CNTNAP2: variants seen among roughly 807,000 people sequenced by gnomAD.
CNTNAP2 encodes the protein contactin associated protein 2, also known as contactin-associated protein-like 2.
In CNTNAP2, 98 loss-of-function variants were observed where a neutral mutation model predicts 155.2. That is an observed-to-expected ratio of 0.63 (90% CI 0.54 to 0.75). The LOEUF (loss-of-function observed/expected upper bound fraction) is 0.75, where lower values mean the gene tolerates loss of function less well. CNTNAP2 is among the 30% of genes least tolerant of loss of function. CNTNAP2 has a pLI of 0.00. For missense variants in CNTNAP2, 1,727 were observed against 1,688.1 expected (o/e 1.02, Z -0.40); for synonymous variants, 651 against 631.2 (o/e 1.03, Z -0.47).
intron 13 of CNTNAP2, among the ~76,000 whole-genome samples, chr7:147,884,947 A>G (rs1427087580): frequency 6.6e-6 from 1 of 152,214 alleles, no homozygotes; most frequent in East Asian, 1.9e-4. Flanking sequence ...AGCAGGCTTG[A>G]TATGAGACCT....
At chr7:146,398,183 A>AATTTTTTTTTT in intron 1 of CNTNAP2, among the ~76,000 whole-genome samples, 1 of 83,688 alleles carries the variant, frequency 1.2e-5, no homozygotes, top group African/African-American at 7.2e-5. Flanking sequence ...CCGGCCCCAA[A>AATTTTTTTTTT]CTTTTTTTTT....
intron 3 of CNTNAP2, among the ~76,000 whole-genome samples, chr7:146,858,066 T>C (rs1360534108): frequency 6.6e-6 from 1 of 152,134 alleles, no homozygotes; most frequent in Non-Finnish European, 1.5e-5. Flanking sequence ...TCAAAACATA[T>C]GTAGGAAAAG....
intron 1 of CNTNAP2, among the ~76,000 whole-genome samples, chr7:146,545,519 G>C (rs1447516957): frequency 6.6e-6 from 1 of 151,508 alleles, no homozygotes; most frequent in Non-Finnish European, 1.5e-5. Flanking sequence ...ATGCCCTACT[G>C]TGTGATGTTC....
chr7:147,427,124 G>T (rs1159062338), intron 10 of CNTNAP2, among the ~76,000 whole-genome samples: 1 of 152,124 alleles, frequency 6.6e-6, no homozygotes, highest in East Asian at 1.9e-4. Context: ...CAGAGGAGAA[G>T]AATGCAGTCT....
intron 12 of CNTNAP2, among the ~76,000 whole-genome samples, chr7:147,594,402 A>G (rs1311573919): frequency 6.6e-6 from 1 of 152,084 alleles, no homozygotes; most frequent in Non-Finnish European, 1.5e-5. Context: ...CTGTCATAAC[A>G]TGCATTTCAT....
intron 1 of CNTNAP2, among the ~76,000 whole-genome samples, chr7:146,734,854 C>CT (rs1235218480): frequency 6.6e-6 from 1 of 152,104 alleles, no homozygotes; most frequent in African/African-American, 2.4e-5. Flanking sequence ...TGTGTCCAAA[C>CT]TGAGTTTTCC....
intron 13 of CNTNAP2, among the ~76,000 whole-genome samples, chr7:147,756,601 C>G (rs973724860): frequency 6.6e-6 from 1 of 152,016 alleles, no homozygotes. Flanking sequence ...TCATTAAAAA[C>G]AGATTTAAAA....
At chr7:147,363,405 C>T (rs985029722) in intron 9 of CNTNAP2, among the ~76,000 whole-genome samples, 1 of 152,148 alleles carries the variant, frequency 6.6e-6, no homozygotes, top group African/African-American at 2.4e-5. Context: ...AACTAAGACA[C>T]CTATTTGTAA....
rs960213187 is a variant in CNTNAP2, at chr7:146,956,168, T to C, written c.403-87739T>C. 2.6e-5 allele frequency among the ~76,000 whole-genome samples: 4 copies of C among 152,248 alleles called. No individual in the cohort carries two copies. In the South Asian group the frequency reaches 8.3e-4, roughly 32 times the overall value. ...TTCTAACTTTCCCATTTGTTTGTTT[T>C]TTGTTTTATGTTTAGACTTGGTATT... On this transcript the variant is annotated intron_variant, in intron 3 of 23. Transcript: ENST00000361727.
At chr7:146,957,120 A>G (rs1797452802) in intron 3 of CNTNAP2, among the ~76,000 whole-genome samples, 1 of 152,138 alleles carries the variant, frequency 6.6e-6, no homozygotes, top group South Asian at 2.1e-4. Context: ...AAACAGACCT[A>G]GATGGTATAG....
chr7:147,933,307 A>G (rs1291275455), intron 14 of CNTNAP2, among the ~76,000 whole-genome samples: 1 of 152,168 alleles, frequency 6.6e-6, no homozygotes, highest in East Asian at 1.9e-4. Flanking sequence ...TGATTTAATA[A>G]GTCCACTTCT....
chr7:146,198,784 T>G (rs1005975944), intron 1 of CNTNAP2, among the ~76,000 whole-genome samples: 2 of 152,148 alleles, frequency 1.3e-5, no homozygotes, highest in African/African-American at 4.8e-5. Context: ...ACTTTTTTTT[T>G]TTGTTTTATC....
chr7:147,073,365 C>A (rs1799935544), intron 4 of CNTNAP2, among the ~76,000 whole-genome samples: 1 of 150,092 alleles, frequency 6.7e-6, no homozygotes, highest in African/African-American at 2.4e-5. Context: ...TAAGTGGCAG[C>A]TAAATAATGA....
intron 1 of CNTNAP2, among the ~76,000 whole-genome samples, chr7:146,261,079 C>T (rs1026719913): frequency 6.6e-6 from 1 of 152,114 alleles, no homozygotes; most frequent in African/African-American, 2.4e-5. Flanking sequence ...GTTTCCTCTG[C>T]ACACTCTTTC....
intron 8 of CNTNAP2, among the ~76,000 whole-genome samples, chr7:147,182,996 A>G (rs1490300218): frequency 1.3e-5 from 2 of 152,198 alleles, no homozygotes; most frequent in East Asian, 1.9e-4. Flanking sequence ...AAAGTCATCA[A>G]TGATTCATTT....
intron 1 of CNTNAP2, among the ~76,000 whole-genome samples, chr7:146,622,948 C>T (rs1244027314): frequency 1.4e-5 from 2 of 145,760 alleles, no homozygotes; most frequent in Admixed American, 6.9e-5. Context: ...CAGAGCGAGA[C>T]TCCATCTCAA....
chr7:146,670,982 A>G (rs936907864), intron 1 of CNTNAP2, among the ~76,000 whole-genome samples: 1 of 152,264 alleles, frequency 6.6e-6, no homozygotes, highest in Admixed American at 6.5e-5. Flanking sequence ...CAATAGTGGT[A>G]ATTCTTAGGA....
At chr7:147,670,808 T>TA (rs1174714417) in intron 13 of CNTNAP2, among the ~76,000 whole-genome samples, 3 of 152,134 alleles carry the variant, frequency 2.0e-5, no homozygotes, top group African/African-American at 4.8e-5. Context: ...TGGATACCAC[T>TA]AGTGTGGATA....
chr7:148,365,354 C>A (rs1798717251), intron 21 of CNTNAP2, among the ~76,000 whole-genome samples: 1 of 152,108 alleles, frequency 6.6e-6, no homozygotes, highest in Non-Finnish European at 1.5e-5. Context: ...CTTATTAATT[C>A]AGTCAAAAAA....
Sources: allele counts gnomAD v4.1 joint callset (sites outside exome capture counted in the v4.1 genomes callset), GRCh38; gene constraint gnomAD v4.1.1; transcripts MANE v1.5; gene names NCBI Gene and HGNC (gene_info 2026-07-23, HGNC 2026-07-21).